The following FHIT variants were observed in gnomAD, a reference collection of about 807,000 sequenced individuals.
FHIT encodes the protein fragile histidine triad diadenosine triphosphatase, also known as bis(5'-adenosyl)-triphosphatase.
FHIT carries 19 observed loss-of-function variants against 17.9 expected under a neutral mutation model. The ratio of observed to expected loss-of-function variants is 1.06; its 90% CI spans 0.74 to 1.56. The LOEUF (loss-of-function observed/expected upper bound fraction) is 1.56, where lower values mean the gene tolerates loss of function less well. Ranked by LOEUF, FHIT falls within the 40% of genes most tolerant of loss-of-function variation. FHIT has a pLI of 0.00. For synonymous variants in FHIT, 81 were observed against 69.7 expected (o/e 1.16, Z -0.81); for missense variants, 248 against 189.2 (o/e 1.31, Z -1.82).
intron 2 of FHIT, among the ~76,000 whole-genome samples, chr3:61,144,944 T>C (rs976147545): frequency 6.6e-6 from 1 of 152,202 alleles, no homozygotes. Flanking sequence ...ATAGTCTAGA[T>C]ACTAGTCCAT....
At chr3:60,807,216 C>T (rs576337506) in intron 4 of FHIT, among the ~76,000 whole-genome samples, 2 of 152,206 alleles carry the variant, frequency 1.3e-5, no homozygotes, top group Admixed American at 1.3e-4. Flanking sequence ...TTCTTCCCCC[C>T]TTTTGGATGC....
At chr3:60,097,656 CTGAT>C (rs1268671539) in intron 5 of FHIT, among the ~76,000 whole-genome samples, 3 of 151,952 alleles carry the variant, frequency 2.0e-5, no homozygotes, top group Admixed American at 1.3e-4. Context: ...ATTCCTCTTT[CTGAT>C]TTTCTTTTTT....
chr3:59,934,610 G>A (rs1559745501), intron 7 of FHIT, among the ~76,000 whole-genome samples: 5 of 152,094 alleles, frequency 3.3e-5, no homozygotes. Context: ...CCTGAGACTG[G>A]GTGATTTATA....
intron 5 of FHIT, among the ~76,000 whole-genome samples, chr3:60,515,881 G>A (rs1490637683): frequency 1.3e-5 from 2 of 152,142 alleles, no homozygotes; most frequent in African/African-American, 4.8e-5. Flanking sequence ...AACTGAGCTT[G>A]GATTCACATC....
intron 2 of FHIT, among the ~76,000 whole-genome samples, chr3:61,141,172 C>G (rs547561565): frequency 1.3e-5 from 2 of 151,598 alleles, no homozygotes; most frequent in Non-Finnish European, 2.9e-5. Flanking sequence ...TCTTTCAAGC[C>G]GACTCTCGGG....
chr3:60,934,282 A>G lies in FHIT; in HGVS notation c.-111+107765T>C, dbSNP rs1311999274. Among the ~76,000 whole-genome samples the G allele has an allele frequency of 2.0e-5, 3 of 152,192 alleles. No individual in the cohort carries two copies. In the East Asian group the frequency reaches 5.8e-4, roughly 29 times the overall value. ...TGATTCCTGTACAGCCCTATCAAAA[A>G]AAAGAAAAAAAGAAAAGAAAAAATA... is the stretch of plus-strand genomic sequence containing the variant. On this transcript the variant is annotated intron_variant, in intron 3 of 9. Transcript: ENST00000492590.
chr3:60,113,581 AT>A (rs1416823517), intron 5 of FHIT, among the ~76,000 whole-genome samples: 1 of 151,902 alleles, frequency 6.6e-6, no homozygotes, highest in African/African-American at 2.4e-5. Context: ...GTACATGAAG[AT>A]TAAGATTCTA....
chr3:60,814,179 C>T (rs1701659753), intron 4 of FHIT, among the ~76,000 whole-genome samples: 1 of 151,944 alleles, frequency 6.6e-6, no homozygotes, highest in African/African-American at 2.4e-5. Context: ...AAAAAAAATT[C>T]ATTCATCTGT....
intron 6 of FHIT, among the ~76,000 whole-genome samples, chr3:60,012,517 T>C (rs1269351797): frequency 1.3e-5 from 2 of 151,954 alleles, no homozygotes; most frequent in East Asian, 3.9e-4. Context: ...GAGCTGCCGG[T>C]CTTAGCCTCC....
chr3:59,773,676 C>T (rs1218667845), intron 8 of FHIT, among the ~76,000 whole-genome samples: 1 of 152,108 alleles, frequency 6.6e-6, no homozygotes, highest in Non-Finnish European at 1.5e-5. Context: ...TCCTTTCTTC[C>T]CAGGGAGGCA....
chr3:60,978,711 A>T (rs1710366950), intron 3 of FHIT, among the ~76,000 whole-genome samples: 1 of 152,180 alleles, frequency 6.6e-6, no homozygotes, highest in Admixed American at 6.5e-5. Context: ...AAATGAGATC[A>T]TGTGCATCAT....
intron 5 of FHIT, among the ~76,000 whole-genome samples, chr3:60,428,640 A>C (rs904897056): frequency 1.3e-5 from 2 of 152,200 alleles, no homozygotes; most frequent in South Asian, 2.1e-4. Flanking sequence ...GCATAAAGGA[A>C]AAAGGACAAA....
chr3:60,716,146 A>C (rs1187334139), intron 4 of FHIT, among the ~76,000 whole-genome samples: 4 of 152,148 alleles, frequency 2.6e-5, no homozygotes, highest in Admixed American at 2.6e-4. Context: ...CGGGAGGCTG[A>C]GGCAGGAGAA....
rs546097076 is a variant in FHIT, at chr3:61,205,738, A to G, written c.-212-5073T>C. 2.2e-4 allele frequency among the ~76,000 whole-genome samples: 33 copies of G among 152,222 alleles called. No individual in the cohort carries two copies. The East Asian group carries it at 4.6e-3, about 21-fold the overall frequency. On this transcript the variant is annotated intron_variant, in intron 1 of 9. Transcript: ENST00000492590. ...TATTAGCCCTTTGTCAGATGAGTAG[A>G]TTGCAAAAATTTTCTCCCATTCTGT...
At chr3:59,769,799 T>G (rs896524140) in intron 8 of FHIT, among the ~76,000 whole-genome samples, 1 of 151,790 alleles carries the variant, frequency 6.6e-6, no homozygotes, top group African/African-American at 2.4e-5. Context: ...TCCCCTCAGA[T>G]AAACCCATTC....
chr3:59,780,877 C>T (rs1032338214), intron 8 of FHIT, among the ~76,000 whole-genome samples: 1 of 152,126 alleles, frequency 6.6e-6, no homozygotes, highest in Non-Finnish European at 1.5e-5. Flanking sequence ...ACACAGATAC[C>T]TCAAGATGGC....
rs554736044 is a variant in FHIT, at chr3:61,148,482, T to A, written c.-164+52135A>T. ...TATGCATTCTTTTGTTTGTGGCTTC[T>A]TTTGGCAACATAATGCTTTCAAGAT... On this transcript the variant is annotated intron_variant, in intron 2 of 9. Coordinates refer to ENST00000492590, the MANE Select transcript of FHIT (RefSeq NM_002012.4). 9.8e-5 allele frequency among the ~76,000 whole-genome samples: 15 copies of A among 152,298 alleles called. No individual in the cohort carries two copies. In the East Asian group the frequency reaches 2.9e-3, roughly 29 times the overall value.
chr3:60,720,367 A>C (rs1273478691), intron 4 of FHIT, among the ~76,000 whole-genome samples: 1 of 152,128 alleles, frequency 6.6e-6, no homozygotes, highest in Admixed American at 6.5e-5. Context: ...TGTGCCCCAT[A>C]AATATTTGTT....
intron 8 of FHIT, among the ~76,000 whole-genome samples, chr3:59,907,539 G>A (rs1227460008): frequency 6.6e-6 from 1 of 152,208 alleles, no homozygotes; most frequent in East Asian, 1.9e-4. Flanking sequence ...GCTGGATAAT[G>A]GACAGAGTCA....
Sources: allele counts gnomAD v4.1 joint callset (sites outside exome capture counted in the v4.1 genomes callset), GRCh38; gene constraint gnomAD v4.1.1; transcripts MANE v1.5; gene names NCBI Gene and HGNC (gene_info 2026-07-23, HGNC 2026-07-21).